RGS7: variants seen among roughly 807,000 people sequenced by gnomAD.
The protein encoded by RGS7 is regulator of G protein signaling 7.
RGS7 carries 27 observed loss-of-function variants against 81.1 expected under a neutral mutation model. The observed-to-expected ratio is 0.33, with a 90% CI of 0.25 to 0.46. RGS7 has a LOEUF of 0.46. RGS7 is among the 20% of genes least tolerant of loss of function. The pLI is 1.00. For missense variants in RGS7, 396 were observed against 607.4 expected (o/e 0.65, Z 3.66); for synonymous variants, 208 against 207.7 (o/e 1.00, Z -0.01).
At chr1:241,336,258 A>G (rs189328808) in intron 2 of RGS7, among the ~76,000 whole-genome samples, 54 of 152,324 alleles carry the variant, frequency 3.5e-4, no homozygotes, top group African/African-American at 1.2e-3. Flanking sequence ...TCTAAGAGGC[A>G]TCATCAGACT....
intron 2 of RGS7, among the ~76,000 whole-genome samples, chr1:241,342,007 T>G (rs989595850): frequency 2.0e-5 from 3 of 151,434 alleles, no homozygotes; most frequent in Non-Finnish European, 4.4e-5. Flanking sequence ...CCGGAGTGGC[T>G]GAAATTACAG....
intron 3 of RGS7, among the ~76,000 whole-genome samples, chr1:241,083,529 G>A (rs1049606849): frequency 6.6e-6 from 1 of 152,150 alleles, no homozygotes; most frequent in African/African-American, 2.4e-5. Flanking sequence ...TGTGCAAGTT[G>A]CATAGTTACT....
chr1:240,976,880 T>C (rs1239523535), intron 4 of RGS7, among the ~76,000 whole-genome samples: 1 of 150,364 alleles, frequency 6.7e-6, no homozygotes, highest in Non-Finnish European at 1.5e-5. Context: ...TCTATCTGTC[T>C]ATCTCTTTAT....
intron 15 of RGS7, 38 bp downstream of exon 15, chr1:240,806,102 G>A: frequency 6.3e-7 from 1 of 1,585,790 alleles, no homozygotes; most frequent in Non-Finnish European, 8.7e-7. Context: ...CAACTTCTCG[G>A]AAGCACGTTT....
chr1:241,207,125 C>T lies in RGS7; in HGVS notation c.79-108363G>A, dbSNP rs554918497. Among the ~76,000 whole-genome samples, 151 of 151,490 alleles carry T rather than the reference C, an allele frequency of 1.0e-3. 1 individual carries two copies. Among genetic ancestry groups the T allele is most frequent in the Middle Eastern group, 6.8e-3 (2 of 294 alleles). On this transcript the variant is annotated intron_variant, in intron 2 of 18. Transcript: ENST00000440928. Reference sequence around the variant, plus strand: ...CTGGGACTACAGGTGCCCACCACCACGCCCGGCTAATTTTTGTATTTTTAG... The same window carrying T: ...CTGGGACTACAGGTGCCCACCACCATGCCCGGCTAATTTTTGTATTTTTAG...
chr1:241,132,338 T>C (rs1437949667), intron 2 of RGS7: 1 of 154,924 alleles, frequency 6.5e-6, no homozygotes, highest in Non-Finnish European at 1.5e-5. Flanking sequence ...TGTTTAATCA[T>C]GTATCCATGA....
Position 240,930,736 on chromosome 1 carries a change from C to T in RGS7, c.366G>A (p.Glu122=), listed in dbSNP as rs1160228439. Residue 122 remains glutamate, a synonymous_variant, in exon 6 of 19, where the codon GAG becomes GAA. Coordinates refer to ENST00000440928, the MANE Select transcript of RGS7 (RefSeq NM_001364886.1). ...ACTGACCATAATCTGTGTTTTCCGG[C>T]TCCCAACAATTTGATGGCCAAAAAT... ...TPYFWPSNCW[E]PENTDYAVYL... is the part of the protein sequence containing the mutation. 5 of 1,613,888 alleles carry T rather than the reference C, an allele frequency of 3.1e-6. No homozygotes were observed. The Admixed American group carries it at 5.0e-5, about 16-fold the overall frequency.
At chr1:240,935,843 C>T (rs562194698) in intron 5 of RGS7, among the ~76,000 whole-genome samples, 27 of 152,248 alleles carry the variant, frequency 1.8e-4, no homozygotes, top group African/African-American at 6.5e-4. Flanking sequence ...CAGCAAATAC[C>T]TCTTGGAAAT....
At chr1:241,013,455 T>C (rs114053847) in intron 3 of RGS7, among the ~76,000 whole-genome samples, 8,083 of 152,304 alleles carry the variant, frequency 0.053, 692 homozygotes, top group African/African-American at 0.18. Flanking sequence ...CCTGTGACTA[T>C]GTCTTTTCTT....
chr1:240,908,522 A>G (rs1030880178), intron 6 of RGS7, among the ~76,000 whole-genome samples: 15 of 152,134 alleles, frequency 9.9e-5, no homozygotes, highest in African/African-American at 2.9e-4. Flanking sequence ...ATAGTTGTTA[A>G]GCCTACATTT....
In RGS7 at chr1:241,005,043, G is replaced by GGCTCACAT. The variant is rs1332285682; in HGVS notation, c.176-21922_176-21915dup. Among the ~76,000 whole-genome samples, 13 of 152,248 alleles carry GGCTCACAT rather than the reference G, an allele frequency of 8.5e-5. 1 individual carries two copies. The highest frequency in any genetic ancestry group is 3.1e-4 in the African/African-American group (13 of 41,552). ...ACAGACTTAAGAACAGCCGCCTACA[G>GGCTCACAT]GCTCACATACATGAGGTGCCCAACA... On this transcript the variant is annotated intron_variant, in intron 3 of 18. Coordinates refer to ENST00000440928, the MANE Select transcript of RGS7 (RefSeq NM_001364886.1).
chr1:240,909,369 T>C (rs764809520), intron 6 of RGS7, among the ~76,000 whole-genome samples: 1 of 152,230 alleles, frequency 6.6e-6, no homozygotes, highest in Non-Finnish European at 1.5e-5. Flanking sequence ...CCCCATCTTC[T>C]GAAACAAATA....
chr1:241,168,596 C>G (rs1400037422), intron 2 of RGS7, among the ~76,000 whole-genome samples: 1 of 152,086 alleles, frequency 6.6e-6, no homozygotes, highest in East Asian at 1.9e-4. Flanking sequence ...TATGTTATAT[C>G]ACAAAGGTTG....
At chr1:241,186,032 T>G (rs895353882) in intron 2 of RGS7, among the ~76,000 whole-genome samples, 6 of 152,100 alleles carry the variant, frequency 3.9e-5, no homozygotes, top group African/African-American at 1.2e-4. Flanking sequence ...AAAATCAAAA[T>G]CTGGTTCTGA....
chr1:241,002,986 T>C (rs2148635945), intron 3 of RGS7, among the ~76,000 whole-genome samples: 1 of 152,354 alleles, frequency 6.6e-6, no homozygotes, highest in South Asian at 2.1e-4. Context: ...CTTGTTAGTT[T>C]CTTTGTAGGA....
chr1:241,266,194 C>A (rs535542978), intron 2 of RGS7, among the ~76,000 whole-genome samples: 1 of 152,094 alleles, frequency 6.6e-6, no homozygotes, highest in African/African-American at 2.4e-5. Flanking sequence ...TTGTGAGTCA[C>A]AAAAAAATCA....
chr1:241,351,660 C>T (rs569467441), intron 2 of RGS7, among the ~76,000 whole-genome samples: 68 of 151,952 alleles, frequency 4.5e-4, no homozygotes, highest in African/African-American at 1.6e-3. Flanking sequence ...TAAAAACAAA[C>T]GAATGCAAAG....
chr1:240,821,476 T>C (rs1294158012), intron 10 of RGS7, among the ~76,000 whole-genome samples: 3 of 152,280 alleles, frequency 2.0e-5, no homozygotes, highest in Non-Finnish European at 4.4e-5. Context: ...CTCCCCTCTT[T>C]ATTCATTTTC....
chr1:240,808,035 C>CAAAAAAAAAAAAAAAAAAAAAAAAAAAAA (rs34236519), intron 14 of RGS7, among the ~76,000 whole-genome samples: 1 of 66,612 alleles, frequency 1.5e-5, no homozygotes, highest in Non-Finnish European at 3.1e-5. Flanking sequence ...AACTTCATCT[C>CAAAAAAAAAAAAAAAAAAAAAAAAAAAAA]AAAAAAAAAA....
Sources: allele counts gnomAD v4.1 joint callset (sites outside exome capture counted in the v4.1 genomes callset), GRCh38; gene constraint gnomAD v4.1.1; transcripts MANE v1.5; gene names NCBI Gene and HGNC (gene_info 2026-07-23, HGNC 2026-07-21).